Variants in CNTNAP5 observed in about 807,000 individuals in gnomAD.
CNTNAP5 encodes the protein contactin-associated protein-like 5.
In CNTNAP5, 72 loss-of-function variants were observed where a neutral mutation model predicts 150.2. The observed-to-expected ratio is 0.48, with a 90% CI of 0.40 to 0.58. CNTNAP5 has a LOEUF of 0.58. Among genes scored for constraint, CNTNAP5 ranks in the 20% least tolerant of loss-of-function variants. CNTNAP5 has a pLI of 0.00. For missense variants in CNTNAP5, 1,636 were observed against 1,626.2 expected (o/e 1.01, Z -0.10); for synonymous variants, 672 against 619.8 (o/e 1.08, Z -1.25).
chr2:124,063,392 A>G (rs1173065760), intron 1 of CNTNAP5, among the ~76,000 whole-genome samples: 2 of 152,072 alleles, frequency 1.3e-5, no homozygotes, highest in Non-Finnish European at 2.9e-5. Flanking sequence ...TTTTAATTCT[A>G]TGACTTCAAA....
intron 11 of CNTNAP5, among the ~76,000 whole-genome samples, chr2:124,565,177 G>C (rs1341980639): frequency 6.6e-6 from 1 of 152,196 alleles, no homozygotes; most frequent in Non-Finnish European, 1.5e-5. Context: ...GATCAATTTA[G>C]AGAAGAACTA....
At chr2:124,520,519 T>C (rs1267519809) in intron 8 of CNTNAP5, among the ~76,000 whole-genome samples, 1 of 152,162 alleles carries the variant, frequency 6.6e-6, no homozygotes, top group African/African-American at 2.4e-5. Context: ...CTCATTGAGA[T>C]TGAGCATAAT....
intron 4 of CNTNAP5, among the ~76,000 whole-genome samples, chr2:124,425,520 C>T (rs1692217320): frequency 6.6e-6 from 1 of 152,190 alleles, no homozygotes; most frequent in Non-Finnish European, 1.5e-5. Context: ...ACCTCATCCC[C>T]ATAGTGAAAC....
At chr2:124,057,400 C>T (rs1225055634) in intron 1 of CNTNAP5, among the ~76,000 whole-genome samples, 1 of 149,698 alleles carries the variant, frequency 6.7e-6, no homozygotes, top group Admixed American at 6.7e-5. Context: ...TCCTGCCTCA[C>T]CCTCCCGAGT....
At chr2:124,060,930 A>G (rs1376248226) in intron 1 of CNTNAP5, among the ~76,000 whole-genome samples, 1 of 152,202 alleles carries the variant, frequency 6.6e-6, no homozygotes, top group Non-Finnish European at 1.5e-5. Context: ...AGTTGACCCA[A>G]CAGTGGATGG....
intron 1 of CNTNAP5, among the ~76,000 whole-genome samples, chr2:124,043,794 A>G (rs1681455059): frequency 6.6e-6 from 1 of 152,242 alleles, no homozygotes; most frequent in South Asian, 2.1e-4. Context: ...TGGAAAGGAC[A>G]TTGTCTCTAC....
At chr2:124,808,568 A>G (rs1340719148) in intron 19 of CNTNAP5, among the ~76,000 whole-genome samples, 1 of 151,564 alleles carries the variant, frequency 6.6e-6, no homozygotes, top group East Asian at 1.9e-4. Flanking sequence ...AGCCTGGGTG[A>G]CAGAGAGAGA....
chr2:124,625,601 C>T (rs75883830), intron 12 of CNTNAP5, among the ~76,000 whole-genome samples: 1,829 of 152,288 alleles, frequency 0.012, 30 homozygotes, highest in African/African-American at 0.041. Flanking sequence ...TCCCCACTTC[C>T]GAGGGGCTCA....
chr2:124,437,730 G>T (rs1692570043), intron 5 of CNTNAP5, among the ~76,000 whole-genome samples: 1 of 152,044 alleles, frequency 6.6e-6, no homozygotes, highest in East Asian at 1.9e-4. Context: ...CCATGATCAG[G>T]ATTGTTCTTT....
chr2:124,525,961 G>A lies in CNTNAP5; in HGVS notation c.1478-1324G>A, dbSNP rs372269075. ...TTGGAACAAATGTATTATAATGATC[G>A]TAGAACAAGGGTGTTGGGGTCCGAA... On this transcript the variant is annotated intron_variant, in intron 9 of 23. Transcript: ENST00000682447. 1.4e-4 allele frequency among the ~76,000 whole-genome samples: 21 copies of A among 152,254 alleles called. 1 individual carries two copies. The South Asian group carries it at 3.1e-3, about 23-fold the overall frequency.
chr2:124,231,241 G>A (rs1686610628), intron 2 of CNTNAP5, among the ~76,000 whole-genome samples: 1 of 152,190 alleles, frequency 6.6e-6, no homozygotes, highest in Non-Finnish European at 1.5e-5. Context: ...AGGGGTAGGA[G>A]AGAGTAGAAA....
chr2:124,538,896 C>T (rs999908205), intron 10 of CNTNAP5, among the ~76,000 whole-genome samples: 1 of 152,194 alleles, frequency 6.6e-6, no homozygotes, highest in Non-Finnish European at 1.5e-5. Flanking sequence ...CATCCAACAT[C>T]CCGATAAGAG....
intron 10 of CNTNAP5, among the ~76,000 whole-genome samples, chr2:124,549,964 C>T (rs1695593218): frequency 6.6e-6 from 1 of 152,192 alleles, no homozygotes; most frequent in Non-Finnish European, 1.5e-5. Context: ...TGTATCCACG[C>T]TACCTGCGTG....
At chr2:124,689,090 T>C (rs1028979517) in intron 13 of CNTNAP5, among the ~76,000 whole-genome samples, 3 of 152,082 alleles carry the variant, frequency 2.0e-5, no homozygotes, top group Non-Finnish European at 4.4e-5. Context: ...TGTCATGTTA[T>C]TGCTTTTAAT....
At chr2:124,320,156 T>G (rs1689063810) in intron 3 of CNTNAP5, among the ~76,000 whole-genome samples, 1 of 152,214 alleles carries the variant, frequency 6.6e-6, no homozygotes, top group African/African-American at 2.4e-5. Flanking sequence ...TATCCATTTA[T>G]GCTGCCTCAT....
intron 19 of CNTNAP5, among the ~76,000 whole-genome samples, chr2:124,835,869 G>T (rs1026340752): frequency 1.3e-5 from 2 of 152,026 alleles, no homozygotes; most frequent in African/African-American, 2.4e-5. Context: ...AATACAAAAA[G>T]ATTCACAGAG....
chr2:124,557,040 A>G (rs988956596), intron 10 of CNTNAP5, among the ~76,000 whole-genome samples: 2 of 151,816 alleles, frequency 1.3e-5, no homozygotes, highest in African/African-American at 4.8e-5. Flanking sequence ...TCTAAGTTGC[A>G]TCATGCATAA....
At chr2:124,841,060 T>A (rs1245037354) in intron 19 of CNTNAP5, among the ~76,000 whole-genome samples, 4 of 152,134 alleles carry the variant, frequency 2.6e-5, no homozygotes, top group Non-Finnish European at 5.9e-5. Context: ...AAATGCAGTG[T>A]GGCTCAGCTT....
intron 1 of CNTNAP5, among the ~76,000 whole-genome samples, chr2:124,177,854 T>C (rs906783730): frequency 6.6e-6 from 1 of 151,730 alleles, no homozygotes; most frequent in African/African-American, 2.4e-5. Flanking sequence ...GGTTTACTTT[T>C]TTTTTTTTTT....
Sources: allele counts gnomAD v4.1 joint callset (sites outside exome capture counted in the v4.1 genomes callset), GRCh38; gene constraint gnomAD v4.1.1; transcripts MANE v1.5; gene names NCBI Gene and HGNC (gene_info 2026-07-23, HGNC 2026-07-21).